GABRA2: variants seen among roughly 807,000 people sequenced by gnomAD.
The protein encoded by GABRA2 is gamma-aminobutyric acid receptor subunit alpha-2.
A neutral mutation model predicts 48.7 loss-of-function variants in GABRA2; 16 were observed. The observed-to-expected ratio is 0.33, with a 90% CI of 0.22 to 0.50. The LOEUF is 0.50. GABRA2 is among the 20% of genes least tolerant of loss of function. The pLI, the probability that GABRA2 is intolerant of heterozygous loss-of-function variation, is 0.98. For missense variants in GABRA2, 275 were observed against 535.6 expected, an observed-to-expected ratio of 0.51 and a Z score of 4.80; for synonymous variants, 185 against 184.5, an observed-to-expected ratio of 1.00 and a Z score of -0.02.
In GABRA2 at chr4:46,312,491, C is replaced by T. The variant is rs1204775033; in HGVS notation, c.476+5G>A. ...AAATACATCACATCAAACCTAAAAA[C>T]ATACCTCATGGTATACAGCAGAGTC... On this transcript the variant is annotated splice_donor_5th_base_variant and intron_variant, in intron 5 of 9. Coordinates refer to ENST00000381620, the MANE Select transcript of GABRA2 (RefSeq NM_000807.4). The T allele has an allele frequency of 3.1e-6, 5 of 1,589,682 alleles. No individual in the cohort carries two copies. Among genetic ancestry groups the T allele is most frequent in the East Asian group, 2.3e-5 (1 of 44,300 alleles).
chr4:46,291,776 C>CACATATATATATATAT lies in GABRA2; in HGVS notation c.856+11683_856+11684insATATATATATATATGT, dbSNP rs1553906974. 9.9e-4 allele frequency among the ~76,000 whole-genome samples: 144 copies of CACATATATATATATAT among 144,790 alleles called. 1 individual carries two copies. Among genetic ancestry groups the CACATATATATATATAT allele is most frequent in the African/African-American group, 3.5e-3 (135 of 39,090 alleles). The allele number at this position is 144,790 out of a possible 152,430, so 95.0% of individuals were successfully genotyped here. A position where few individuals can be genotyped will look rare whatever the true frequency, so the allele number is the denominator to read the frequency against. On this transcript the variant is annotated intron_variant, in intron 8 of 9. Transcript: ENST00000381620. ...AGTTAATACTATTAATAAACACACA[C>CACATATATATATATAT]ATATATATATATATACATATACATA... is the stretch of plus-strand genomic sequence containing the variant.
At chr4:46,350,816 A>C (rs1679006778) in intron 3 of GABRA2, among the ~76,000 whole-genome samples, 1 of 152,006 alleles carries the variant, frequency 6.6e-6, no homozygotes, top group South Asian at 2.1e-4. Context: ...TAGTATGTAG[A>C]TAACATAGTC....
intron 7 of GABRA2, among the ~76,000 whole-genome samples, chr4:46,304,255 T>C (rs766909277): frequency 6.6e-6 from 1 of 152,168 alleles, no homozygotes; most frequent in Non-Finnish European, 1.5e-5. Context: ...AAAGTATTGA[T>C]GTCTGGCCAC....
intron 4 of GABRA2, among the ~76,000 whole-genome samples, chr4:46,313,418 C>T (rs940052581): frequency 1.3e-5 from 2 of 151,834 alleles, no homozygotes; most frequent in African/African-American, 2.4e-5. Flanking sequence ...AATACAAGCA[C>T]CTTACAAGTT....
intron 8 of GABRA2, among the ~76,000 whole-genome samples, chr4:46,289,501 G>A (rs1723175785): frequency 6.6e-6 from 1 of 152,090 alleles, no homozygotes; most frequent in Admixed American, 6.5e-5. Context: ...TAAATGATGA[G>A]GACACATGGA....
chr4:46,276,395 G>C (rs1720511226), intron 8 of GABRA2, among the ~76,000 whole-genome samples: 2 of 152,050 alleles, frequency 1.3e-5, no homozygotes, highest in African/African-American at 4.8e-5. Flanking sequence ...TATAAGATTA[G>C]TTGTTGTAGT....
intron 8 of GABRA2, among the ~76,000 whole-genome samples, chr4:46,301,245 T>C (rs1725683269): frequency 6.6e-6 from 1 of 152,210 alleles, no homozygotes; most frequent in African/African-American, 2.4e-5. Flanking sequence ...ATGTATTCTA[T>C]TCCCCAAATT....
chr4:46,326,395 C>T (rs185707014), intron 4 of GABRA2, among the ~76,000 whole-genome samples: 1 of 151,972 alleles, frequency 6.6e-6, no homozygotes, highest in East Asian at 2.0e-4. Flanking sequence ...TAAGCCATCT[C>T]ACCTTAACTC....
chr4:46,265,355 CTGTG>C (rs67846908), intron 8 of GABRA2, among the ~76,000 whole-genome samples: 82,472 of 137,140 alleles, frequency 0.6, 25,265 homozygotes, highest in South Asian at 0.73. Context: ...ATATATGTAT[CTGTG>C]TGTGTGTGTG....
chr4:46,336,153 C>T (rs1303458665), intron 3 of GABRA2, among the ~76,000 whole-genome samples: 1 of 152,168 alleles, frequency 6.6e-6, no homozygotes, highest in Non-Finnish European at 1.5e-5. Flanking sequence ...ATGTTACATG[C>T]TGTATGTTTG....
chr4:46,299,746 C>T (rs1199729373), intron 8 of GABRA2, among the ~76,000 whole-genome samples: 2 of 146,960 alleles, frequency 1.4e-5, no homozygotes, highest in African/African-American at 5.0e-5. Context: ...ATCTGAAATT[C>T]TTCCCTCTTC....
chr4:46,272,403 GA>G (rs1404480000), intron 8 of GABRA2, among the ~76,000 whole-genome samples: 1 of 151,830 alleles, frequency 6.6e-6, no homozygotes, highest in African/African-American at 2.4e-5. Flanking sequence ...TATTTTTTAG[GA>G]TAATTGCAAG....
chr4:46,336,661 A>C (rs1321436643), intron 3 of GABRA2, among the ~76,000 whole-genome samples: 1 of 152,218 alleles, frequency 6.6e-6, no homozygotes, highest in Non-Finnish European at 1.5e-5. Context: ...TACATAGAAG[A>C]ATGTATAATC....
chr4:46,319,057 C>A (rs1729011623), intron 4 of GABRA2, among the ~76,000 whole-genome samples: 1 of 151,726 alleles, frequency 6.6e-6, no homozygotes. Context: ...TACTAAAAAT[C>A]TCCATTTACA....
chr4:46,306,908 T>C (rs543260235), intron 6 of GABRA2, among the ~76,000 whole-genome samples: 13 of 152,138 alleles, frequency 8.5e-5, no homozygotes, highest in African/African-American at 3.1e-4. Flanking sequence ...TGATTATGAG[T>C]TTGTGTTTTC....
At chr4:46,314,008 A>G (rs1042978941) in intron 4 of GABRA2, among the ~76,000 whole-genome samples, 1 of 152,136 alleles carries the variant, frequency 6.6e-6, no homozygotes, top group African/African-American at 2.4e-5. Context: ...AGGTACTGGC[A>G]TGTGAGTAGC....
At chr4:46,312,221 TTAA>T (rs1192682201) in intron 5 of GABRA2, among the ~76,000 whole-genome samples, 7 of 114,910 alleles carry the variant, frequency 6.1e-5, no homozygotes, top group African/African-American at 2.2e-4. Flanking sequence ...AAAAATGTAC[TTAA>T]TAAAAATGTC....
intron 4 of GABRA2, among the ~76,000 whole-genome samples, chr4:46,317,698 C>G (rs1446796322): frequency 6.7e-6 from 1 of 150,306 alleles, no homozygotes; most frequent in African/African-American, 2.4e-5. Flanking sequence ...AAGTGGGAAA[C>G]AAGAAAAAGA....
intron 4 of GABRA2, among the ~76,000 whole-genome samples, chr4:46,312,981 G>A (rs1039530667): frequency 2.0e-5 from 3 of 151,854 alleles, no homozygotes; most frequent in African/African-American, 7.3e-5. Context: ...AGTTGAACAA[G>A]GTCTCAGTCA....
Sources: allele counts gnomAD v4.1 joint callset (sites outside exome capture counted in the v4.1 genomes callset), GRCh38; gene constraint gnomAD v4.1.1; transcripts MANE v1.5; gene names NCBI Gene and HGNC (gene_info 2026-07-23, HGNC 2026-07-21).